Variants in RPS6KA5 observed in about 807,000 individuals in gnomAD.
RPS6KA5 encodes the protein ribosomal protein S6 kinase alpha-5.
In RPS6KA5, 27 loss-of-function variants were observed where a neutral mutation model predicts 85.5. The observed-to-expected ratio is 0.32, with a 90% CI of 0.23 to 0.44. The LOEUF (loss-of-function observed/expected upper bound fraction) is 0.44, where lower values mean the gene tolerates loss of function less well. Ranked by LOEUF, RPS6KA5 falls within the 20% of genes least tolerant of loss-of-function variation. The pLI is 1.00. For missense variants in RPS6KA5, 811 were observed against 980.9 expected, an observed-to-expected ratio of 0.83 and a Z score of 2.31; for synonymous variants, 334 against 348.2, an observed-to-expected ratio of 0.96 and a Z score of 0.46.
chr14:90,966,198 T>A lies in RPS6KA5; in HGVS notation c.394+12108A>T, dbSNP rs545772664. ...CAATTAGCTACAGAATTGAGGGAAGTGGCTTAGAAAAGCTCTTTGAAAAAC... is the reference window on the plus strand; with the variant it reads ...CAATTAGCTACAGAATTGAGGGAAGAGGCTTAGAAAAGCTCTTTGAAAAAC... On this transcript the variant is annotated intron_variant, in intron 3 of 16. Transcript: ENST00000614987. Among the ~76,000 whole-genome samples the A allele has an allele frequency of 5.9e-5, 9 of 152,302 alleles. No homozygotes were observed. In the South Asian group the frequency reaches 1.7e-3, roughly 28 times the overall value.
chr14:91,042,735 A>C (rs1441232936), intron 1 of RPS6KA5, among the ~76,000 whole-genome samples: 2 of 147,660 alleles, frequency 1.4e-5, no homozygotes, highest in African/African-American at 5.1e-5. Context: ...CTTTTATCGG[A>C]CCTCCTAACC....
intron 1 of RPS6KA5, among the ~76,000 whole-genome samples, chr14:91,027,878 G>T (rs1339920343): frequency 6.6e-6 from 1 of 152,162 alleles, no homozygotes; most frequent in African/African-American, 2.4e-5. Flanking sequence ...CCACAAATGG[G>T]CCTATCTTGT....
At position 90,947,441 on chromosome 14, in the gene RPS6KA5, G is replaced by C; in HGVS notation, c.504C>G (p.Leu168=). The C allele has an allele frequency of 6.3e-7, 1 of 1,579,092 alleles. No individual in the cohort carries two copies. The highest frequency in any genetic ancestry group is 8.7e-7 in the Non-Finnish European group (1 of 1,148,342). The change falls in exon 4 of 17, where the codon CTC becomes CTG. Residue 168 remains leucine (L), a synonymous_variant. Coordinates refer to ENST00000614987, the MANE Select transcript of RPS6KA5 (RefSeq NM_004755.4). ...GAAAAATGAAGAGTCTTACCTTGTG[G>C]AGATGTTCGAGGGCAAGCACAATCT... ...VGEIVLALEH[L]HKLGIIYRDI...
At chr14:90,916,436 AC>A (rs2036121489) in intron 7 of RPS6KA5, among the ~76,000 whole-genome samples, 1 of 152,220 alleles carries the variant, frequency 6.6e-6, no homozygotes, top group African/African-American at 2.4e-5. Context: ...ATTACTTTGA[AC>A]CATTTCAAAC....
intron 1 of RPS6KA5, among the ~76,000 whole-genome samples, chr14:91,047,341 A>C (rs1230090957): frequency 6.6e-6 from 1 of 152,170 alleles, no homozygotes; most frequent in Non-Finnish European, 1.5e-5. Context: ...TCTAACCACC[A>C]ACTTGGTAAG....
chr14:90,903,632 A>C (rs895535999), intron 8 of RPS6KA5, among the ~76,000 whole-genome samples: 3 of 152,326 alleles, frequency 2.0e-5, no homozygotes, highest in African/African-American at 7.2e-5. Flanking sequence ...TAGGTCACTT[A>C]CTGAGTTATA....
At chr14:90,898,991 C>T (rs2035004007) in intron 12 of RPS6KA5, among the ~76,000 whole-genome samples, 1 of 152,028 alleles carries the variant, frequency 6.6e-6, no homozygotes, top group Non-Finnish European at 1.5e-5. Flanking sequence ...AGAGGTACTC[C>T]AGGATTAAGT....
intron 1 of RPS6KA5, among the ~76,000 whole-genome samples, chr14:91,028,812 C>T (rs1200088104): frequency 6.6e-6 from 1 of 152,186 alleles, no homozygotes; most frequent in Non-Finnish European, 1.5e-5. Context: ...GCCACTGCGC[C>T]CAGCCTATTT....
At position 91,028,924 on chromosome 14, in the gene RPS6KA5, C is replaced by T. The variant is rs191199978; in HGVS notation, c.104-27765G>A. 3.3e-5 allele frequency among the ~76,000 whole-genome samples: 5 copies of T among 152,238 alleles called. No homozygotes were observed. The East Asian group carries it at 7.7e-4, about 23-fold the overall frequency. On this transcript the variant is annotated intron_variant, in intron 1 of 16. Transcript: ENST00000614987. Reference sequence around the variant, plus strand: ...CTAGATATCATTAATTACCTGTTTACTTAGCACAAATACATCTGAAGTAAT... The same window carrying T: ...CTAGATATCATTAATTACCTGTTTATTTAGCACAAATACATCTGAAGTAAT...
chr14:90,978,476 C>G lies in RPS6KA5; in HGVS notation c.224G>C (p.Gly75Ala). The stretch of plus-strand genomic sequence containing the variant: ...CAAAACTTTCATGGCATACAGCTTT[C>G]CAGTATCATGGCCACTTATTTTACG... ...LVRKISGHDT[G>A]KLYAMKVLKK... Residue 75 changes from glycine (G) to alanine (A), a missense_variant, in exon 3 of 17, where the codon GGA (glycine) becomes GCA (alanine). By Grantham distance (60) the Gly-to-Ala change is moderately conservative (BLOSUM62 0). Coordinates refer to ENST00000614987, the MANE Select transcript of RPS6KA5 (RefSeq NM_004755.4). 1 of 1,612,264 alleles carries G rather than the reference C, an allele frequency of 6.2e-7. No homozygotes were observed. The highest frequency in any genetic ancestry group is 8.5e-7 in the Non-Finnish European group (1 of 1,179,226).
chr14:90,995,673 A>T lies in RPS6KA5; in HGVS notation c.175+5415T>A, dbSNP rs963030168. On this transcript the variant is annotated intron_variant, in intron 2 of 16. Coordinates refer to ENST00000614987, the MANE Select transcript of RPS6KA5 (RefSeq NM_004755.4). ...CTCCCATTTTATTTTTTCAAGCTTA[A>T]GAATTTTCCTTACTTTTGCCAGGTA... Among the ~76,000 whole-genome samples the T allele has an allele frequency of 5.3e-5, 8 of 152,292 alleles. No individual in the cohort carries two copies. In the South Asian group the frequency reaches 1.5e-3, roughly 28 times the overall value.
chr14:90,962,011 T>G (rs2038821612), intron 3 of RPS6KA5, among the ~76,000 whole-genome samples: 1 of 152,230 alleles, frequency 6.6e-6, no homozygotes, highest in South Asian at 2.1e-4. Flanking sequence ...CATTAAATGT[T>G]CAGTTGTTAG....
At chr14:90,926,645 G>A (rs2036683965) in intron 5 of RPS6KA5, among the ~76,000 whole-genome samples, 1 of 140,080 alleles carries the variant, frequency 7.1e-6, no homozygotes, top group East Asian at 2.1e-4. Context: ...ATATGTATGT[G>A]TATATATATA....
intron 2 of RPS6KA5, among the ~76,000 whole-genome samples, chr14:90,983,720 G>A (rs956209625): frequency 9.9e-5 from 15 of 151,806 alleles, no homozygotes; most frequent in African/African-American, 3.4e-4. Flanking sequence ...AGGGGAATGG[G>A]GAAATGAAAA....
At chr14:90,888,706 A>G (rs1470763122) in intron 14 of RPS6KA5, among the ~76,000 whole-genome samples, 1 of 152,226 alleles carries the variant, frequency 6.6e-6, no homozygotes, top group African/African-American at 2.4e-5. Context: ...CAATATTTTC[A>G]TAAACTTGCG....
intron 1 of RPS6KA5, among the ~76,000 whole-genome samples, chr14:91,044,392 GGAAAGAAA>G (rs71461930): frequency 0.1 from 5,739 of 55,002 alleles, 168 homozygotes; most frequent in Admixed American, 0.13. Context: ...AAAGAAAGAA[GGAAAGAAA>G]GAAAGAAAGA....
At chr14:90,937,408 T>A (rs193061657) in intron 5 of RPS6KA5, among the ~76,000 whole-genome samples, 2 of 152,062 alleles carry the variant, frequency 1.3e-5, no homozygotes, top group African/African-American at 4.8e-5. Context: ...TATTCTGAGA[T>A]TTTTTTTCCT....
intron 5 of RPS6KA5, among the ~76,000 whole-genome samples, chr14:90,931,172 G>A (rs141516609): frequency 6.6e-6 from 1 of 152,270 alleles, no homozygotes; most frequent in East Asian, 1.9e-4. Flanking sequence ...TAAACAAAAT[G>A]TGGCATATAA....
At chr14:90,945,374 T>C (rs2037819958) in intron 4 of RPS6KA5, among the ~76,000 whole-genome samples, 2 of 152,222 alleles carry the variant, frequency 1.3e-5, no homozygotes, top group Admixed American at 1.3e-4. Flanking sequence ...ACTTGGAGCA[T>C]TATATGCATC....
Sources: allele counts gnomAD v4.1 joint callset (sites outside exome capture counted in the v4.1 genomes callset), GRCh38; gene constraint gnomAD v4.1.1; transcripts MANE v1.5; gene names NCBI Gene and HGNC (gene_info 2026-07-23, HGNC 2026-07-21).